KTN1: variants seen among roughly 807,000 people sequenced by gnomAD.
KTN1 encodes the protein kinectin 1, also known as kinectin.
A neutral mutation model predicts 222.5 loss-of-function variants in KTN1; 130 were observed. The observed-to-expected ratio is 0.58, with a 90% CI of 0.51 to 0.68. The LOEUF (loss-of-function observed/expected upper bound fraction) is 0.68. Ranked by LOEUF, KTN1 falls within the 30% of genes least tolerant of loss-of-function variation. KTN1 has a pLI of 0.00. For missense variants in KTN1, 1,508 were observed against 1,500.4 expected (o/e 1.01, Z -0.08); for synonymous variants, 512 against 496.3 (o/e 1.03, Z -0.42).
intron 1 of KTN1, among the ~76,000 whole-genome samples, chr14:55,604,561 C>G (rs2140501395): frequency 6.6e-6 from 1 of 152,256 alleles, no homozygotes; most frequent in South Asian, 2.1e-4. Flanking sequence ...TATCACTATT[C>G]TTGCTACTTG....
At chr14:55,606,463 C>A (rs1318331065) in intron 1 of KTN1, among the ~76,000 whole-genome samples, 1 of 151,858 alleles carries the variant, frequency 6.6e-6, no homozygotes, top group Non-Finnish European at 1.5e-5. Flanking sequence ...TTTTTTGAGC[C>A]ACCCCAGCTG....
At chr14:55,648,203 G>A in intron 20 of KTN1, 88 bp downstream of exon 20, 1 of 604,412 alleles carries the variant, frequency 1.7e-6, no homozygotes, top group Non-Finnish European at 2.8e-6. Context: ...TTTTCCCATA[G>A]ATCTTAAACT....
intron 37 of KTN1, 172 bp downstream of exon 37, chr14:55,672,049 G>A: frequency 5.4e-6 from 3 of 557,118 alleles, no homozygotes; most frequent in South Asian, 5.3e-5. Flanking sequence ...ATAGTCTAAT[G>A]CCCACCCAAG....
At chr14:55,653,907 C>G (rs931210828) in intron 28 of KTN1, among the ~76,000 whole-genome samples, 1 of 152,096 alleles carries the variant, frequency 6.6e-6, no homozygotes, top group Non-Finnish European at 1.5e-5. Context: ...AGAGATTAAA[C>G]TTATTTCAAA....
At chr14:55,670,567 T>G (rs533243598) in intron 34 of KTN1, among the ~76,000 whole-genome samples, 162 bp from the exon 35 acceptor site, 3 of 152,214 alleles carry the variant, frequency 2.0e-5, no homozygotes, top group Admixed American at 6.5e-5. Context: ...GTCCAACTTA[T>G]GCAGTAGTTA....
chr14:55,669,539 A>C (rs1183319281), intron 34 of KTN1, among the ~76,000 whole-genome samples: 1 of 151,918 alleles, frequency 6.6e-6, no homozygotes, highest in African/African-American at 2.4e-5. Context: ...AAAATATATA[A>C]ATTTTTTTAC....
chr14:55,660,057 G>T (rs1236971432), intron 31 of KTN1, among the ~76,000 whole-genome samples: 1 of 152,124 alleles, frequency 6.6e-6, no homozygotes, highest in Non-Finnish European at 1.5e-5. Flanking sequence ...GTAATTGAAT[G>T]ATGCAAATTT....
At position 55,641,164 on chromosome 14, in the gene KTN1, GAGC is replaced by G; in HGVS notation, c.2061_2063del (p.Gln688del). 6.3e-7 allele frequency: 1 copy of G among 1,598,862 alleles called. No homozygotes were observed. The highest frequency in any genetic ancestry group is 8.5e-7 in the Non-Finnish European group (1 of 1,173,182). On this transcript the variant is annotated inframe_deletion, in exon 17 of 44. Transcript: ENST00000395314. ...AGATGATAAAATAAGATTGCTGGAA[GAGC>G]AACTACAACATGAAATTTCAAACAA... is the stretch of plus-strand genomic sequence containing the variant.
chr14:55,609,578 G>T lies in KTN1; in HGVS notation c.-30-2441G>T, dbSNP rs1002123617. Among the ~76,000 whole-genome samples, 4 of 152,198 alleles carry T rather than the reference G, an allele frequency of 2.6e-5. No homozygotes were observed. The East Asian group carries it at 7.7e-4, about 29-fold the overall frequency. The stretch of plus-strand genomic sequence containing the variant: ...GAAGAATCAGTGTTTCAGAATTCTT[G>T]TGGTCTCATACCCTCTCTTCTTGAA... On this transcript the variant is annotated intron_variant, in intron 1 of 43. Coordinates refer to ENST00000395314, the MANE Select transcript of KTN1 (RefSeq NM_001079521.2).
At chr14:55,667,410 C>G in intron 34 of KTN1, 80 bp downstream of exon 34, 1 of 768,650 alleles carries the variant, frequency 1.3e-6, no homozygotes, top group Non-Finnish European at 2.1e-6. Context: ...TTGCACTCCA[C>G]TTGGTTTCAG....
At chr14:55,674,126 CTT>C (rs2045693423) in intron 40 of KTN1, 1 of 151,960 alleles carries the variant, frequency 6.6e-6, no homozygotes, top group African/African-American at 2.4e-5. Context: ...ACCAAGAAAA[CTT>C]TAACTCATTC....
chr14:55,646,785 T>G (rs1368169620), intron 18 of KTN1, among the ~76,000 whole-genome samples, 188 bp from the exon 19 acceptor site: 6 of 152,056 alleles, frequency 3.9e-5, no homozygotes, highest in Non-Finnish European at 7.4e-5. Context: ...GTGTCTCTTG[T>G]GTAGATGTAT....
intron 1 of KTN1, among the ~76,000 whole-genome samples, chr14:55,606,598 A>G (rs1331910453): frequency 6.6e-6 from 1 of 150,636 alleles, no homozygotes; most frequent in Non-Finnish European, 1.5e-5. Context: ...ACACTATAGT[A>G]AAAAATATAA....
intron 1 of KTN1, among the ~76,000 whole-genome samples, chr14:55,597,793 G>A (rs149869526): frequency 2.0e-4 from 30 of 152,190 alleles, no homozygotes; most frequent in African/African-American, 7.2e-4. Context: ...GGGGGAGGAT[G>A]CAGTGAGCTG....
intron 1 of KTN1, among the ~76,000 whole-genome samples, chr14:55,611,263 C>CT (rs897315974): frequency 0.14 from 15,990 of 115,846 alleles, 2,134 homozygotes; most frequent in African/African-American, 0.34. Flanking sequence ...ATTTTCTTGT[C>CT]TTTTTTTTTT....
At chr14:55,619,651 C>T (rs1188930473) in intron 5 of KTN1, among the ~76,000 whole-genome samples, 2 of 152,070 alleles carry the variant, frequency 1.3e-5, no homozygotes, top group South Asian at 2.1e-4. Context: ...GGGGTTTCCT[C>T]TTATAAAACC....
In KTN1 at chr14:55,658,597, C is replaced by CAACAA; in HGVS notation, c.2948_2952dup (p.Tyr985LysfsTer16). The CAACAA allele has an allele frequency of 6.2e-7, 1 of 1,604,656 alleles. No individual in the cohort carries two copies. The highest frequency in any genetic ancestry group is 8.5e-7 in the Non-Finnish European group (1 of 1,173,110). On this transcript the variant is annotated frameshift_variant, in exon 30 of 44. Coordinates refer to ENST00000395314, the MANE Select transcript of KTN1 (RefSeq NM_001079521.2). LOFTEE classifies it high-confidence loss of function. Reference sequence around the variant, plus strand: ...TAAGTCCCAAATTGAGCAGCTTAAACAACAAAACTACCAACAGGTAGGTAT... The same window carrying CAACAA: ...TAAGTCCCAAATTGAGCAGCTTAAACAACAAAACAAAACTACCAACAGGTAGGTAT...
At chr14:55,682,684 T>C (rs1465623113) in intron 43 of KTN1, 1 of 152,034 alleles carries the variant, frequency 6.6e-6, no homozygotes, top group Non-Finnish European at 1.5e-5. Flanking sequence ...CCCAAAGAGA[T>C]TCTATAACTT....
At chr14:55,680,598 A>G (rs1009623515) in intron 43 of KTN1, 77 of 652,974 alleles carry the variant, frequency 1.2e-4, no homozygotes, top group Non-Finnish European at 1.9e-4. Flanking sequence ...GTTGGGCTAT[A>G]CAAGGCCTCA....
Sources: gnomAD v4.1 joint callset for allele counts (sites outside exome capture counted in the v4.1 genomes callset) on GRCh38, gnomAD v4.1.1 for gene constraint, MANE v1.5 for transcripts, NCBI Gene and HGNC (gene_info 2026-07-23, HGNC 2026-07-21) for gene names.